The following CFAP92 variants were observed in gnomAD, a reference collection of about 807,000 sequenced individuals.
CFAP92 encodes cilia and flagella associated protein 92 (putative).
In CFAP92, 86 loss-of-function variants were observed where a neutral mutation model predicts 106.3. The observed-to-expected ratio is 0.81, with a 90% CI of 0.68 to 0.97. The LOEUF (loss-of-function observed/expected upper bound fraction) is 0.97, where lower values mean the gene tolerates loss of function less well. Among genes scored for constraint, CFAP92 ranks in the 50% least tolerant of loss-of-function variants. The pLI, the probability that CFAP92 is intolerant of heterozygous loss-of-function variation, is 0.00. For missense variants in CFAP92, 1,204 were observed against 1,283.8 expected (o/e 0.94, Z 0.95); for synonymous variants, 477 against 506.4 (o/e 0.94, Z 0.78).
rs149882782 is a variant in CFAP92, at chr3:128,988,448, T to A, written c.453+280A>T. On this transcript the variant is annotated intron_variant, in intron 3 of 15. Transcript: ENST00000645291. ...TCCAGCTACTCAGGTGGCTGAGGCA[T>A]GAGAATTGCTTGAACCGGGAGGCAG... Among the ~76,000 whole-genome samples the A allele has an allele frequency of 7.2e-4, 110 of 151,884 alleles. 1 individual carries two copies. The highest frequency in any genetic ancestry group is 2.6e-3 in the African/African-American group (109 of 41,386).
At chr3:128,926,031 G>A (rs181145722) in intron 12 of CFAP92, among the ~76,000 whole-genome samples, 1 of 152,256 alleles carries the variant, frequency 6.6e-6, no homozygotes, top group Admixed American at 6.5e-5. Context: ...CACAGACTGG[G>A]AAAAGATACA....
chr3:128,927,515 A>G (rs145590299), intron 12 of CFAP92, among the ~76,000 whole-genome samples: 7,249 of 151,840 alleles, frequency 0.048, 351 homozygotes, highest in African/African-American at 0.12. Context: ...AGGTCAGGAG[A>G]TCGAGACCAT....
At chr3:129,016,977 T>C in the CFAP92 span, among the ~76,000 whole-genome samples, 1 of 152,118 alleles carries the variant, frequency 6.6e-6, no homozygotes, top group Admixed American at 6.5e-5. Flanking sequence ...TCCTTGGCAG[T>C]TCAGTAAAGT....
chr3:128,944,401 A>C (rs893624175), intron 10 of CFAP92, among the ~76,000 whole-genome samples: 4 of 152,130 alleles, frequency 2.6e-5, no homozygotes, highest in African/African-American at 9.7e-5. Context: ...CCAGAGGTGC[A>C]ATCCCCTTCT....
intron 1 of CFAP92, chr3:129,001,852 C>A: frequency 6.5e-7 from 1 of 1,546,150 alleles, no homozygotes; most frequent in Non-Finnish European, 8.7e-7. Flanking sequence ...GGCCGTCTGC[C>A]CCGCGCCGAC....
At chr3:129,025,561 G>T in the CFAP92 span, among the ~76,000 whole-genome samples, 3 of 152,204 alleles carry the variant, frequency 2.0e-5, no homozygotes, top group Admixed American at 6.5e-5. Flanking sequence ...GTCAAGTAGG[G>T]CAGAGTAAGG....
chr3:128,930,509 C>T (rs932691651), intron 12 of CFAP92, among the ~76,000 whole-genome samples: 1 of 120,742 alleles, frequency 8.3e-6, no homozygotes, highest in Non-Finnish European at 1.6e-5. Context: ...AATCCTAGCT[C>T]TTTGGGAGGC....
At chr3:128,958,716 C>T (rs1329610527) in intron 9 of CFAP92, among the ~76,000 whole-genome samples, 1 of 151,996 alleles carries the variant, frequency 6.6e-6, no homozygotes, top group Admixed American at 6.6e-5. Context: ...GCCTGCGCAA[C>T]ATGGCAAAAC....
At chr3:128,978,274 G>A in intron 4 of CFAP92, 89 bp from the exon 5 acceptor site, 1 of 1,428,962 alleles carries the variant, frequency 7.0e-7, no homozygotes, top group Non-Finnish European at 9.6e-7. Flanking sequence ...TGGAGACACT[G>A]GGCGTTCGGT....
chr3:129,010,454 G>A, the CFAP92 span, among the ~76,000 whole-genome samples: 5 of 152,046 alleles, frequency 3.3e-5, no homozygotes, highest in East Asian at 5.8e-4. The surrounding 1 kb of genome is among the most constrained non-coding windows in gnomAD (Gnocchi z 4.3). Flanking sequence ...GAGGCCTGGC[G>A]GCCTGGCCTC....
At chr3:128,952,048 C>A (rs1359243597) in intron 9 of CFAP92, among the ~76,000 whole-genome samples, 1 of 152,086 alleles carries the variant, frequency 6.6e-6, no homozygotes, top group African/African-American at 2.4e-5. Context: ...TCTCATCTCC[C>A]CCTCCACAGG....
the CFAP92 span, among the ~76,000 whole-genome samples, chr3:129,022,574 C>T: frequency 6.6e-5 from 10 of 152,300 alleles, no homozygotes; most frequent in East Asian, 1.2e-3. Context: ...GAGGCTCACC[C>T]GGCCTCCGGA....
At chr3:128,947,774 T>C (rs1400849461) in intron 9 of CFAP92, among the ~76,000 whole-genome samples, 4 of 151,924 alleles carry the variant, frequency 2.6e-5, no homozygotes, top group Non-Finnish European at 5.9e-5. Flanking sequence ...AGGTTTGAGG[T>C]TTCAACGAGC....
upstream of CFAP92, chr3:129,003,341 C>T (rs1944889426): frequency 2.1e-6 from 2 of 949,566 alleles, no homozygotes; most frequent in Non-Finnish European, 2.5e-6. Flanking sequence ...TCTGGGAACA[C>T]ACCAGTAAAG....
Position 128,915,514 on chromosome 3 carries a change from A to G in CFAP92, c.2966T>C (p.Val989Ala). ...CTCTTCCTTCAAGTCCAGGGGCTCC[A>G]CCATGGCTGAGAGGTAATCCTGTGA... Reference protein sequence around the residue: ...TYSQDYLSAMVEPLDLKEEEK... With the variant: ...TYSQDYLSAMAEPLDLKEEEK... The change falls in exon 14 of 16, where the codon GTG (valine) becomes GCG (alanine). Residue 989 changes from valine to alanine, a missense_variant. Val to Ala is a moderately conservative substitution (Grantham distance 64, BLOSUM62 0). Transcript: ENST00000645291. 1 of 1,535,472 alleles carries G rather than the reference A, an allele frequency of 6.5e-7. No individual in the cohort carries two copies. Among genetic ancestry groups the G allele is most frequent in the African/African-American group, 1.4e-5 (1 of 73,062 alleles).
At position 128,946,838 on chromosome 3, in the gene CFAP92, C is replaced by A. The variant is rs75598552; in HGVS notation, c.1354-863G>T. Reference sequence around the variant, plus strand: ...GCACTACTAGTGAAATCAGATGCACCAAGGCATAAGATATTAGAATGATCA... The same window carrying A: ...GCACTACTAGTGAAATCAGATGCACAAAGGCATAAGATATTAGAATGATCA... On this transcript the variant is annotated intron_variant, in intron 9 of 15. Coordinates refer to ENST00000645291, the MANE Select transcript of CFAP92 (RefSeq NM_001394090.1). 1.0e-3 allele frequency among the ~76,000 whole-genome samples: 152 copies of A among 151,950 alleles called. 1 individual carries two copies. The East Asian group carries it at 0.025, about 25-fold the overall frequency.
chr3:128,939,647 C>T (rs902352622), intron 10 of CFAP92, among the ~76,000 whole-genome samples: 3 of 152,130 alleles, frequency 2.0e-5, no homozygotes, highest in South Asian at 4.1e-4. Flanking sequence ...CCCTGATCCA[C>T]CGCCCTAAGT....
chr3:129,014,001 A>G, the CFAP92 span, among the ~76,000 whole-genome samples: 1 of 152,214 alleles, frequency 6.6e-6, no homozygotes, highest in Non-Finnish European at 1.5e-5. The surrounding 1 kb of genome is among the most constrained non-coding windows in gnomAD (Gnocchi z 4.3). Context: ...GACCGAGGTG[A>G]CTGGAGAAGC....
At chr3:128,972,836 C>G (rs1401125391) in intron 7 of CFAP92, among the ~76,000 whole-genome samples, 3 of 145,610 alleles carry the variant, frequency 2.1e-5, no homozygotes, top group Non-Finnish European at 4.5e-5. Flanking sequence ...GCCTGGGCTA[C>G]AAGAGCGAAA....
Sources: allele counts gnomAD v4.1 joint callset (sites outside exome capture counted in the v4.1 genomes callset), GRCh38; gene constraint gnomAD v4.1.1; non-coding constraint Gnocchi (gnomAD v3.1); transcripts MANE v1.5; gene names NCBI Gene and HGNC (gene_info 2026-07-23, HGNC 2026-07-21).